The following ADCY5 variants were observed in gnomAD, a reference collection of about 807,000 sequenced individuals.
ADCY5 encodes adenylate cyclase 5.
A neutral mutation model predicts 119.7 loss-of-function variants in ADCY5; 30 were observed. The ratio of observed to expected loss-of-function variants is 0.25; its 90% CI spans 0.19 to 0.34. ADCY5 has a LOEUF of 0.34. Among genes scored for constraint, ADCY5 ranks in the 10% least tolerant of loss-of-function variants. ADCY5 has a pLI of 1.00. For missense variants in ADCY5, 1,324 were observed against 1,775.2 expected (o/e 0.75, Z 4.57); for synonymous variants, 753 against 762.2 (o/e 0.99, Z 0.20).
Position 123,371,802 on chromosome 3 carries a change from T to A in ADCY5, c.1135-19221A>T, listed in dbSNP as rs146122776. Among the ~76,000 whole-genome samples, 730 of 152,266 alleles carry A rather than the reference T, an allele frequency of 4.8e-3. 3 individuals carry two copies. The highest frequency in any genetic ancestry group is 0.017 in the African/African-American group (707 of 41,552). ...TGTCCCCCACCCCCACCCCTGCATA[T>A]CTACACAGTGAAGGGCAGAAAAGCA... On this transcript the variant is annotated intron_variant, in intron 1 of 20. Transcript: ENST00000462833.
At position 123,448,120 on chromosome 3, in the gene ADCY5, CGCCGCCGCCGA is replaced by C; in HGVS notation, c.415_425del (p.Ser139GlyfsTer185). On this transcript the variant is annotated frameshift_variant, in exon 1 of 21. Transcript: ENST00000462833. LOFTEE classifies it high-confidence loss of function. ...CCTCCGTCCCGCCCGCCGAGGCAGC[CGCCGCCGCCGA>C]GCCGCCGCCGCCGCCCGCAGGGGGC... 1 of 1,074,938 alleles carries C rather than the reference CGCCGCCGCCGA, an allele frequency of 9.3e-7. No homozygotes were observed. The highest frequency in any genetic ancestry group is 1.1e-6 in the Non-Finnish European group (1 of 892,104). The allele number at this position is 1,074,938 out of a possible 1,614,324, so 66.6% of individuals were successfully genotyped here. A position where few individuals can be genotyped will look rare whatever the true frequency, so the allele number is the denominator to read the frequency against.
rs1195596816 is a variant in ADCY5, at chr3:123,304,201, G to A, written c.2443-18C>T. The A allele has an allele frequency of 8.0e-7, 1 of 1,248,148 alleles. No homozygotes were observed. The highest frequency in any genetic ancestry group is 1.2e-6 in the Non-Finnish European group (1 of 855,046). 77.3% of individuals were successfully genotyped at this position (1,248,148 alleles called of 1,614,324 possible). ...GGGAAGAGCTAGGGTGGGGGCAGGGGTGGAGAGGGAGGGAGGGAGAGACGG... is the reference window on the plus strand; with the variant it reads ...GGGAAGAGCTAGGGTGGGGGCAGGGATGGAGAGGGAGGGAGGGAGAGACGG... On this transcript the variant is annotated intron_variant, in intron 12 of 20. Coordinates refer to ENST00000462833, the MANE Select transcript of ADCY5 (RefSeq NM_183357.3).
intron 3 of ADCY5, among the ~76,000 whole-genome samples, chr3:123,334,033 T>C (rs1941907244): frequency 6.6e-6 from 1 of 152,124 alleles, no homozygotes; most frequent in Non-Finnish European, 1.5e-5. Flanking sequence ...TTCCCTAAGT[T>C]GAAAACATTT....
intron 1 of ADCY5, among the ~76,000 whole-genome samples, chr3:123,408,739 G>A (rs887664288): frequency 2.6e-5 from 4 of 151,836 alleles, no homozygotes; most frequent in African/African-American, 9.7e-5. Context: ...CACTTTGGGA[G>A]GCCGAGTGGG....
At chr3:123,305,053 G>A (rs1940126195) in intron 12 of ADCY5, among the ~76,000 whole-genome samples, 2 of 152,130 alleles carry the variant, frequency 1.3e-5, no homozygotes. Context: ...ACCCCCCAAG[G>A]GCAGACAGGG....
chr3:123,348,232 ACT>A (rs1942667626), intron 2 of ADCY5, among the ~76,000 whole-genome samples: 1 of 151,492 alleles, frequency 6.6e-6, no homozygotes, highest in South Asian at 2.1e-4. Context: ...GTCCCCTGAG[ACT>A]CTGCGTGACC....
chr3:123,320,666 T>C, intron 9 of ADCY5, 83 bp downstream of exon 9: 2 of 1,539,782 alleles, frequency 1.3e-6, no homozygotes, highest in South Asian at 2.2e-5. Context: ...TTCCATGGAG[T>C]GTGGAGAAAC....
chr3:123,446,269 A>G (rs58598311), intron 1 of ADCY5, among the ~76,000 whole-genome samples: 3,388 of 152,308 alleles, frequency 0.022, 132 homozygotes, highest in African/African-American at 0.069. Flanking sequence ...AGAGGATAAA[A>G]GTCTAAGAGA....
At chr3:123,396,578 GAA>G (rs202241043) in intron 1 of ADCY5, among the ~76,000 whole-genome samples, 1,614 of 106,660 alleles carry the variant, frequency 0.015, 32 homozygotes, top group African/African-American at 0.054. Flanking sequence ...GGAAGAAAAA[GAA>G]AAGAAAAGAG....
At chr3:123,437,746 T>C (rs755979018) in intron 1 of ADCY5, among the ~76,000 whole-genome samples, 1 of 152,120 alleles carries the variant, frequency 6.6e-6, no homozygotes, top group Non-Finnish European at 1.5e-5. Flanking sequence ...GGTCCGACAC[T>C]ACTTCCCCAT....
In ADCY5 at chr3:123,318,030, T is replaced by C. The variant is rs138554101; in HGVS notation, c.2344A>G (p.Ile782Val). Reference protein sequence around the residue: ...FLFICFVQITIVPHSIFMLSF... With the variant: ...FLFICFVQITVVPHSIFMLSF... ...GACGGGGATACTCACTGGGGCACGA[T>C]GGTGATCTGGACAAAGCAGATGAAG... The change falls in exon 11 of 21, where the codon ATC becomes GTC. Residue 782 changes from isoleucine (I) to valine (V), a missense_variant. Around this residue, in one of 6 missense-constraint regions of ADCY5, gnomAD observed 424 missense variants for 546.8 expected, o/e 0.78. Coordinates refer to ENST00000462833, the MANE Select transcript of ADCY5 (RefSeq NM_183357.3). 4.2e-5 allele frequency: 68 copies of C among 1,613,556 alleles called. No homozygotes were observed. The highest frequency in any genetic ancestry group is 1.6e-4 in the Middle Eastern group (1 of 6,062).
Position 123,303,227 on chromosome 3 carries a change from G to A in ADCY5, c.2560-8C>T. 6.2e-7 allele frequency: 1 copy of A among 1,611,184 alleles called. No individual in the cohort carries two copies. The highest frequency in any genetic ancestry group is 8.5e-7 in the Non-Finnish European group (1 of 1,178,092). ...CCTGGAGTTGCACGTGAACTGGGGG[G>A]AGGAAGGAGGGTGATGAGGGGAGGG... On this transcript the variant is annotated splice_region_variant and splice_polypyrimidine_tract_variant and intron_variant, in intron 13 of 20. Transcript: ENST00000462833.
intron 1 of ADCY5, among the ~76,000 whole-genome samples, chr3:123,413,900 C>G (rs949573771): frequency 3.9e-5 from 6 of 152,210 alleles, no homozygotes; most frequent in Non-Finnish European, 8.8e-5. Context: ...GGCCCAGGAA[C>G]TGCACCCCAG....
intron 1 of ADCY5, among the ~76,000 whole-genome samples, chr3:123,398,923 G>C (rs978791793): frequency 3.0e-4 from 45 of 152,314 alleles, no homozygotes; most frequent in African/African-American, 1.1e-3. Flanking sequence ...GCTCATCAAT[G>C]GGAGAGCTTT....
intron 3 of ADCY5, among the ~76,000 whole-genome samples, chr3:123,333,087 G>C (rs1941844747): frequency 6.6e-6 from 1 of 152,152 alleles, no homozygotes; most frequent in Non-Finnish European, 1.5e-5. Flanking sequence ...CAATGTGATG[G>C]TATTAGGTGG....
chr3:123,331,100 C>T lies in ADCY5; in HGVS notation c.1519-84G>A, dbSNP rs2108403600. On this transcript the variant is annotated intron_variant, in intron 4 of 20. Transcript: ENST00000462833. ...AGAAACGAGAAGCAAAAAGATTCACCCCGTGCCTGGAATAACTTGCCTTTT... is the reference window on the plus strand; with the variant it reads ...AGAAACGAGAAGCAAAAAGATTCACTCCGTGCCTGGAATAACTTGCCTTTT... 6.9e-6 allele frequency: 10 copies of T among 1,454,488 alleles called. No individual in the cohort carries two copies. In the South Asian group the frequency reaches 1.0e-4, roughly 15 times the overall value. 90.1% of individuals were successfully genotyped at this position (1,454,488 alleles called of 1,614,324 possible).
In ADCY5 at chr3:123,352,574, G is replaced by C. The variant is rs776702774; in HGVS notation, c.1142C>G (p.Ser381Cys). The C allele has an allele frequency of 1.8e-5, 29 of 1,610,336 alleles. No homozygotes were observed. Among genetic ancestry groups the C allele is most frequent in the Admixed American group, 3.3e-5 (2 of 59,846 alleles). ...QDQFLLKQLV[S>C]NVLIFSCTNI... is the part of the protein sequence containing the mutation. ...GGTGCAGGAGAAAATGAGAACATTG[G>C]AGACAAGCTGCAGAGGGAGAGAGGA... The change falls in exon 2 of 21, where the codon TCC (serine) becomes TGC (cysteine). Residue 381 changes from serine (S) to cysteine (C), a missense_variant. By Grantham distance (112) the Ser-to-Cys change is moderately radical (BLOSUM62 -1). Coordinates refer to ENST00000462833, the MANE Select transcript of ADCY5 (RefSeq NM_183357.3). This position sits in a 1 kb window ranked among gnomAD's most constrained non-coding sequence, Gnocchi z 4.8.
chr3:123,311,627 C>T (rs781740773), intron 12 of ADCY5, among the ~76,000 whole-genome samples: 5 of 152,168 alleles, frequency 3.3e-5, no homozygotes, highest in East Asian at 1.9e-4. Flanking sequence ...GAGGAGGCGG[C>T]GGCAGGGATG....
At chr3:123,421,011 T>C (rs1945293078) in intron 1 of ADCY5, among the ~76,000 whole-genome samples, 1 of 152,182 alleles carries the variant, frequency 6.6e-6, no homozygotes, top group African/African-American at 2.4e-5. Context: ...TTCCCCTTTT[T>C]ATAAGGACAC....
Sources: allele counts gnomAD v4.1 joint callset (sites outside exome capture counted in the v4.1 genomes callset), GRCh38; gene constraint gnomAD v4.1.1; regional missense constraint gnomAD v4.1.1; non-coding constraint Gnocchi (gnomAD v3.1); transcripts MANE v1.5; gene names NCBI Gene and HGNC (gene_info 2026-07-23, HGNC 2026-07-21).